The following GUCD1 variants were observed in gnomAD, a reference collection of about 807,000 sequenced individuals.
GUCD1 encodes protein GUCD1.
GUCD1 carries 17 observed loss-of-function variants against 28.3 expected under a neutral mutation model. The observed-to-expected ratio is 0.60, with a 90% confidence interval of 0.41 to 0.90. The LOEUF (loss-of-function observed/expected upper bound fraction) is 0.90, where lower values mean the gene tolerates loss of function less well. Among genes scored for constraint, GUCD1 ranks in the 40% least tolerant of loss-of-function variants. The pLI, the probability that GUCD1 is intolerant of heterozygous loss-of-function variation, is 0.00. For synonymous variants in GUCD1, 129 were observed against 123.3 expected (o/e 1.05, Z -0.30); for missense variants, 279 against 305.5 (o/e 0.91, Z 0.65).
chr22:24,549,581 G>A (rs911269291), intron 1 of GUCD1, among the ~76,000 whole-genome samples: 1 of 151,852 alleles, frequency 6.6e-6, no homozygotes, highest in Non-Finnish European at 1.5e-5. Flanking sequence ...GCATGATCTC[G>A]GCTCACTGCA....
chr22:24,547,326 C>A lies in GUCD1; in HGVS notation c.295-321G>T, dbSNP rs12170895. The A allele has an allele frequency of 2.6e-5, 8 of 311,728 alleles. No homozygotes were observed. The South Asian group carries it at 3.2e-4, about 12-fold the overall frequency. The allele number at this position is 311,728 out of a possible 1,614,324, so 19.3% of individuals were successfully genotyped here. ...GGCAGGCATGAGCAGGAGCCCGTAG[C>A]GAATAAGCAAGGGGGATGAGGCTGA... On this transcript the variant is annotated intron_variant, in intron 3 of 5. Coordinates refer to ENST00000435822, the MANE Select transcript of GUCD1 (RefSeq NM_001284254.2).
At position 24,546,907 on chromosome 22, in the gene GUCD1, G is replaced by A; in HGVS notation, c.386+7C>T. On this transcript the variant is annotated splice_region_variant and intron_variant, in intron 4 of 5. Coordinates refer to ENST00000435822, the MANE Select transcript of GUCD1 (RefSeq NM_001284254.2). ...GGAAGGGCAGGTAGGAAAGTTGGGG[G>A]GCTCACCATTTCTCCACCAGCACCT... is the stretch of plus-strand genomic sequence containing the variant. 6.2e-7 allele frequency: 1 copy of A among 1,612,864 alleles called. No homozygotes were observed. The highest frequency in any genetic ancestry group is 1.1e-5 in the South Asian group (1 of 91,056).
chr22:24,545,889 C>A (rs2044713553), intron 4 of GUCD1, among the ~76,000 whole-genome samples: 1 of 151,166 alleles, frequency 6.6e-6, no homozygotes, highest in Admixed American at 6.6e-5. Flanking sequence ...CCGTGCCCGG[C>A]CTGTTTTGTT....
chr22:24,542,673 T>C lies in GUCD1; in HGVS notation c.*333A>G. The C allele has an allele frequency of 3.0e-6, 1 of 332,668 alleles. No homozygotes were observed. The highest frequency in any genetic ancestry group is 5.9e-6 in the Non-Finnish European group (1 of 169,568). 20.6% of individuals were successfully genotyped at this position (332,668 alleles called of 1,614,324 possible). A position where few individuals can be genotyped will look rare whatever the true frequency, so the allele number is the denominator to read the frequency against. On this transcript the variant is annotated 3_prime_UTR_variant, in exon 6 of 6. Transcript: ENST00000435822. ...TCTCCAGGCTCAGTCCTGCGGTCTG[T>C]GGGGAGACCATTGCCATGGATCTGG... is the stretch of plus-strand genomic sequence containing the variant.
chr22:24,549,802 G>A (rs2044825528), intron 1 of GUCD1, among the ~76,000 whole-genome samples: 1 of 152,190 alleles, frequency 6.6e-6, no homozygotes, highest in Non-Finnish European at 1.5e-5. Flanking sequence ...TTACAGGCGT[G>A]AGCCATTCCG....
At position 24,548,982 on chromosome 22, in the gene GUCD1, AG is replaced by A; in HGVS notation, c.62del (p.Pro21LeufsTer42). Reference protein sequence around the residue: ...PLEPGDFVQLPVPVIQQLYHW... With the variant: ...PLEPGDFVQLXVPVIQQLYHW... ...GGTAGAGCTGCTGGATGACGGGCAC[AG>A]GCAGTTGCACAAAGTCCCCTGTGCA... On this transcript the variant is annotated frameshift_variant, in exon 2 of 6. Transcript: ENST00000435822. LOFTEE classifies it high-confidence loss of function. The A allele has an allele frequency of 6.3e-7, 1 of 1,581,586 alleles. No homozygotes were observed. The highest frequency in any genetic ancestry group is 8.6e-7 in the Non-Finnish European group (1 of 1,163,410).
At position 24,547,000 on chromosome 22, in the gene GUCD1, G is replaced by A; in HGVS notation, c.300C>T (p.Phe100=). The change falls in exon 4 of 6, where the codon TTC becomes TTT. Residue 100 remains phenylalanine, a synonymous_variant. Coordinates refer to ENST00000435822, the MANE Select transcript of GUCD1 (RefSeq NM_001284254.2). Reference sequence around the variant, plus strand: ...CTTCTGTGTCAAAGTGCTTCCTGTAGAAGGACTGAACAGAGAAGAGGGGGA... The same window carrying A: ...CTTCTGTGTCAAAGTGCTTCCTGTAAAAGGACTGAACAGAGAAGAGGGGGA... The part of the protein sequence containing the change: ...GVDKGYKNQS[F]YRKHFDTEET... 1.2e-6 allele frequency: 2 copies of A among 1,613,692 alleles called. No individual in the cohort carries two copies. Among genetic ancestry groups the A allele is most frequent in the Non-Finnish European group, 1.7e-6 (2 of 1,179,622 alleles).
intron 4 of GUCD1, among the ~76,000 whole-genome samples, chr22:24,546,377 G>A (rs2044729237): frequency 6.6e-6 from 1 of 152,202 alleles, no homozygotes; most frequent in Admixed American, 6.5e-5. Flanking sequence ...CCTAGAGGCA[G>A]CAGGTCTGAG....
intron 2 of GUCD1, 92 bp from the exon 3 acceptor site, chr22:24,548,165 A>G: frequency 9.4e-7 from 1 of 1,066,166 alleles, no homozygotes; most frequent in South Asian, 1.4e-5. Context: ...GCCCCGTCAC[A>G]GGTCCCATTC....
chr22:24,544,127 T>C, intron 4 of GUCD1, 44 bp from the exon 5 acceptor site: 1 of 1,587,980 alleles, frequency 6.3e-7, no homozygotes. Context: ...GGGCCCCCAT[T>C]CCCCATCCCT....
chr22:24,547,690 T>A (rs762284), intron 3 of GUCD1: 1 of 547,162 alleles, frequency 1.8e-6, no homozygotes, highest in Non-Finnish European at 3.3e-6. Flanking sequence ...GACTCAGTAC[T>A]CAGATCCTCT....
intron 2 of GUCD1, 23 bp downstream of exon 2, chr22:24,548,894 C>G (rs1397261792): frequency 6.5e-7 from 1 of 1,529,054 alleles, no homozygotes; most frequent in Non-Finnish European, 8.9e-7. Context: ...AGCACCTGGG[C>G]CCCCAGCCCT....
At chr22:24,555,538 C>T, upstream of GUCD1, 2 of 1,475,234 alleles carry the variant, frequency 1.4e-6, no homozygotes, top group East Asian at 5.0e-5. Context: ...AGGGATAACC[C>T]TGAGCGGGCA....
At chr22:24,555,625 C>G, upstream of GUCD1, 1 of 1,550,664 alleles carries the variant, frequency 6.4e-7, no homozygotes, top group Non-Finnish European at 8.7e-7. Flanking sequence ...CTGGCGGTGC[C>G]GGGATCAACA....
chr22:24,549,578 C>G (rs2044820381), intron 1 of GUCD1, among the ~76,000 whole-genome samples: 1 of 152,134 alleles, frequency 6.6e-6, no homozygotes, highest in Admixed American at 6.6e-5. Flanking sequence ...GTGGCATGAT[C>G]TCGGCTCACT....
In GUCD1 at chr22:24,547,901, C is replaced by G. The variant is rs201648073; in HGVS notation, c.294+7G>C. 2 of 1,613,744 alleles carry G rather than the reference C, an allele frequency of 1.2e-6. No homozygotes were observed. The highest frequency in any genetic ancestry group is 3.3e-5 in the Admixed American group (2 of 60,012). On this transcript the variant is annotated splice_region_variant and intron_variant, in intron 3 of 5. Coordinates refer to ENST00000435822, the MANE Select transcript of GUCD1 (RefSeq NM_001284254.2). The stretch of plus-strand genomic sequence containing the variant: ...CACATGGGAAGGCCTGGTGGCTGGT[C>G]GCTCACCTGGTTCTTGTAGCCCTTG...
chr22:24,547,115 A>G, intron 3 of GUCD1, 110 bp from the exon 4 acceptor site: 1 of 825,124 alleles, frequency 1.2e-6, no homozygotes, highest in Non-Finnish European at 2.1e-6. Flanking sequence ...AGGAGGGCAG[A>G]GGAGCCCCAC....
chr22:24,554,835 T>G, intron 1 of GUCD1, 114 bp downstream of exon 1: 3 of 743,158 alleles, frequency 4.0e-6, no homozygotes, highest in Non-Finnish European at 6.8e-6. Flanking sequence ...ACCAGGCGGG[T>G]GTGGGGGCGA....
rs773309720 is a variant in GUCD1, at chr22:24,554,974, C to G, written c.18G>C (p.Glu6Asp). MRTEA[E>D]AAGPPLEPGD... ...CGGGCTCGAGCGGCGGCCCCGCTGC[C>G]TCCGCCTCCGTCCTCATGACCCGGG... The change falls in exon 1 of 6, where the codon GAG becomes GAC. Residue 6 changes from glutamate (E) to aspartate (D), a missense_variant. Glu to Asp is a conservative substitution (Grantham distance 45, BLOSUM62 2). Transcript: ENST00000435822. The G allele has an allele frequency of 6.4e-7, 1 of 1,563,002 alleles. No homozygotes were observed. Among genetic ancestry groups the G allele is most frequent in the South Asian group, 1.2e-5 (1 of 86,854 alleles).
Sources: allele counts gnomAD v4.1 joint callset (sites outside exome capture counted in the v4.1 genomes callset), GRCh38; gene constraint gnomAD v4.1.1; transcripts MANE v1.5; gene names NCBI Gene and HGNC (gene_info 2026-07-23, HGNC 2026-07-21).